Variants in PFKFB4 observed in about 807,000 individuals in gnomAD.
PFKFB4 encodes the protein 6-phosphofructo-2-kinase/fructose-2,6-biphosphatase 4, also known as 6-phosphofructo-2-kinase/fructose-2,6-bisphosphatase 4.
In PFKFB4, 42 loss-of-function variants were observed where a neutral mutation model predicts 62.8. The observed-to-expected ratio is 0.67, with a 90% CI of 0.52 to 0.86. PFKFB4 has a LOEUF of 0.86. PFKFB4 is among the 40% of genes least tolerant of loss of function. The pLI is 0.00. For synonymous variants in PFKFB4, 204 were observed against 240.7 expected, an observed-to-expected ratio of 0.85 and a Z score of 1.41; for missense variants, 475 against 627.2, an observed-to-expected ratio of 0.76 and a Z score of 2.59.
rs2043078973 is a variant in PFKFB4, at chr3:48,549,881, C to G, written c.294G>C (p.Glu98Asp). 2 of 1,610,264 alleles carry G rather than the reference C, an allele frequency of 1.2e-6. No homozygotes were observed. Among genetic ancestry groups the G allele is most frequent in the African/African-American group, 2.7e-5 (2 of 74,858 alleles). Residue 98 changes from glutamate to aspartate, a missense_variant, in exon 3 of 14, where the codon GAG becomes GAC. Transcript: ENST00000232375. ...SFEFFLPDNE[E>D]GLKIRKQCAL... Reference sequence around the variant, plus strand: ...ATACTTACTTCCTGATTTTCAGGCCCTCTTCATTGTCGGGGAGAAAAAATT... The same window carrying G: ...ATACTTACTTCCTGATTTTCAGGCCGTCTTCATTGTCGGGGAGAAAAAATT...
chr3:48,526,974 CACAG>C (rs966684975), intron 9 of PFKFB4, among the ~76,000 whole-genome samples: 11 of 150,654 alleles, frequency 7.3e-5, no homozygotes, highest in African/African-American at 2.7e-4. Context: ...CATGTGAAGG[CACAG>C]ACAGACATAC....
At chr3:48,562,475 C>T (rs915061668), upstream of PFKFB4, 16 of 407,124 alleles carry the variant, frequency 3.9e-5, no homozygotes, top group Admixed American at 5.3e-4. This position sits in a 1 kb window ranked among gnomAD's most constrained non-coding sequence, Gnocchi z 4.3. Flanking sequence ...GTGGCAGCAT[C>T]CAAGCTGTCC....
At position 48,532,743 on chromosome 3, in the gene PFKFB4, C is replaced by G. The variant is rs78975332; in HGVS notation, c.987+2769G>C. ...GGTGTGCACTTGTTAGTCCCAGCTACTAGGGAGGCAAGAGAATCGTTGAGT... is the reference window on the plus strand; with the variant it reads ...GGTGTGCACTTGTTAGTCCCAGCTAGTAGGGAGGCAAGAGAATCGTTGAGT... On this transcript the variant is annotated intron_variant, in intron 9 of 13. Transcript: ENST00000232375. Among the ~76,000 whole-genome samples, 124 of 152,224 alleles carry G rather than the reference C, an allele frequency of 8.1e-4. 1 individual carries two copies. In the East Asian group the frequency reaches 0.021, roughly 26 times the overall value.
chr3:48,520,978 G>A (rs1194973946), intron 13 of PFKFB4, among the ~76,000 whole-genome samples: 1 of 152,216 alleles, frequency 6.6e-6, no homozygotes, highest in Non-Finnish European at 1.5e-5. Context: ...TGTGACTTGT[G>A]GGTACCAAAT....
chr3:48,560,799 G>A (rs561370927), upstream of PFKFB4, among the ~76,000 whole-genome samples: 174 of 152,320 alleles, frequency 1.1e-3, no homozygotes, highest in Non-Finnish European at 1.8e-3. Context: ...GAGGGCCTGG[G>A]CAGCGCCAGC....
intron 9 of PFKFB4, among the ~76,000 whole-genome samples, chr3:48,534,425 T>C (rs1243841135): frequency 1.3e-5 from 2 of 152,074 alleles, no homozygotes; most frequent in Non-Finnish European, 2.9e-5. Flanking sequence ...CATACTGAGA[T>C]ACATCATAAT....
At chr3:48,544,441 CTTTTTTT>C (rs34817026) in intron 3 of PFKFB4, among the ~76,000 whole-genome samples, 6 of 100,404 alleles carry the variant, frequency 6.0e-5, no homozygotes, top group Admixed American at 2.2e-4. Context: ...GTTTTCAGAT[CTTTTTTT>C]TTTTTTTTTT....
rs2041975252 is a variant in PFKFB4 at position 48,518,152 on chromosome 3, T to C, written c.*1595A>G. On this transcript the variant is annotated 3_prime_UTR_variant, in exon 14 of 14. Transcript: ENST00000232375. ...CTGCAGTCCTAATGTCCCAAAGGCA[T>C]GGTCCTTGGGCTCTGGGTCTAAAGG... 1 of 152,320 alleles carries C rather than the reference T, an allele frequency of 6.6e-6. No homozygotes were observed. The highest frequency in any genetic ancestry group is 2.4e-5 in the African/African-American group (1 of 41,480). The allele number at this position is 152,320 out of a possible 1,614,324, so 9.4% of individuals were successfully genotyped here.
intron 4 of PFKFB4, among the ~76,000 whole-genome samples, chr3:48,541,364 C>T (rs1386818864): frequency 2.0e-5 from 3 of 151,858 alleles, no homozygotes; most frequent in South Asian, 2.1e-4. Flanking sequence ...CTCCTGACCT[C>T]GTGATCCACC....
chr3:48,546,491 CCA>C (rs1480443186), intron 3 of PFKFB4, among the ~76,000 whole-genome samples: 1 of 152,092 alleles, frequency 6.6e-6, no homozygotes, highest in African/African-American at 2.4e-5. Context: ...GTATATGTGC[CCA>C]CACACATGAC....
upstream of PFKFB4, chr3:48,562,362 C>T: frequency 5.5e-6 from 1 of 183,190 alleles, no homozygotes; most frequent in Admixed American, 5.6e-5. This position sits in a 1 kb window ranked among gnomAD's most constrained non-coding sequence, Gnocchi z 4.3. Flanking sequence ...CGTGTTGAGG[C>T]TCCTGAAAGT....
chr3:48,553,937 A>C (rs2043232980), intron 1 of PFKFB4, among the ~76,000 whole-genome samples: 1 of 152,182 alleles, frequency 6.6e-6, no homozygotes, highest in South Asian at 2.1e-4. Flanking sequence ...TTCTTGAGTC[A>C]GCTCTTGCCC....
intron 9 of PFKFB4, among the ~76,000 whole-genome samples, chr3:48,527,200 T>C (rs1206388858): frequency 1.3e-5 from 2 of 151,980 alleles, no homozygotes; most frequent in African/African-American, 2.4e-5. Context: ...AATCAATTCA[T>C]GTTGTTTTAA....
chr3:48,542,246 G>A (rs1470809539), intron 4 of PFKFB4, among the ~76,000 whole-genome samples: 1 of 151,386 alleles, frequency 6.6e-6, no homozygotes, highest in African/African-American at 2.4e-5. Flanking sequence ...AGGCAGGAGA[G>A]TGGCGTGAAC....
intron 9 of PFKFB4, among the ~76,000 whole-genome samples, chr3:48,527,108 C>T (rs575032415): frequency 1.0e-3 from 154 of 152,200 alleles, no homozygotes; most frequent in African/African-American, 3.5e-3. Context: ...GGTGAGGAAG[C>T]GTTCTTTATT....
chr3:48,555,461 C>T (rs549023681), intron 1 of PFKFB4, among the ~76,000 whole-genome samples: 1 of 152,318 alleles, frequency 6.6e-6, no homozygotes, highest in African/African-American at 2.4e-5. Flanking sequence ...GAGGCAGGAT[C>T]ACAGGGAGAC....
At chr3:48,538,353 G>GC in intron 7 of PFKFB4, 145 bp downstream of exon 7, 1 of 1,013,144 alleles carries the variant, frequency 9.9e-7, no homozygotes, top group Non-Finnish European at 1.4e-6. Flanking sequence ...AAACATTTCT[G>GC]CCCCAAGGAA....
At chr3:48,539,888 A>C in intron 4 of PFKFB4, 117 bp from the exon 5 acceptor site, 1 of 798,400 alleles carries the variant, frequency 1.3e-6, no homozygotes, top group Non-Finnish European at 2.1e-6. Context: ...TGGATTTCTC[A>C]TAAGGACCAG....
At chr3:48,537,333 G>C (rs1290767830) in intron 7 of PFKFB4, among the ~76,000 whole-genome samples, 1 of 152,076 alleles carries the variant, frequency 6.6e-6, no homozygotes, top group African/African-American at 2.4e-5. Context: ...TCACATCACA[G>C]AACCATGAAG....
Sources: allele counts gnomAD v4.1 joint callset (sites outside exome capture counted in the v4.1 genomes callset), GRCh38; gene constraint gnomAD v4.1.1; non-coding constraint Gnocchi (gnomAD v3.1); transcripts MANE v1.5; gene names NCBI Gene and HGNC (gene_info 2026-07-23, HGNC 2026-07-21).